The following YBX2 variants were observed in gnomAD, a reference collection of about 807,000 sequenced individuals.
YBX2 encodes the protein Y-box-binding protein 2.
Under a neutral mutation model 44.4 loss-of-function variants are expected in YBX2, and 5 were observed. The observed-to-expected ratio is 0.11, with a 90% confidence interval of 0.06 to 0.24. The LOEUF is 0.24. Ranked by LOEUF, YBX2 falls within the 10% of genes least tolerant of loss-of-function variation. The pLI is 1.00. For synonymous variants in YBX2, 188 were observed against 216.1 expected, an observed-to-expected ratio of 0.87 and a Z score of 1.14; for missense variants, 417 against 526.9, an observed-to-expected ratio of 0.79 and a Z score of 2.04.
Position 7,294,261 on chromosome 17 carries a change from CG to C in YBX2, c.239del (p.Pro80ArgfsTer81), listed in dbSNP as rs1567605546. 1.9e-5 allele frequency: 16 copies of C among 828,722 alleles called. No homozygotes were observed. Among genetic ancestry groups the C allele is most frequent in the Middle Eastern group, 5.0e-4 (1 of 1,988 alleles). 51.3% of individuals were successfully genotyped at this position (828,722 alleles called of 1,614,324 possible). A position where few individuals can be genotyped will look rare whatever the true frequency, so the allele number is the denominator to read the frequency against. On this transcript the variant is annotated frameshift_variant, in exon 1 of 9. Transcript: ENST00000007699. LOFTEE classifies it high-confidence loss of function. The surrounding 1 kb of genome is among the most constrained non-coding windows in gnomAD (Gnocchi z 4.6). Reference protein sequence around the residue: ...ATAVSGTPAPPARSQADKPVL... With the variant: ...ATAVSGTPAPXARSQADKPVL... ...CCGGCTTGTCCGCCTGACTCCGGGC[CG>C]GGGGGGCGGGGGTTCCCGAGACCGC...
chr17:7,291,411 C>T lies in YBX2; in HGVS notation c.370-229G>A, dbSNP rs1332821031. ...CCCAGGATGCACTCCCCGCACCTCC[C>T]CTCCCGCCCCGCTTTACCCCTCAGG... On this transcript the variant is annotated intron_variant, in intron 3 of 8. Transcript: ENST00000007699. This position sits in a 1 kb window ranked among gnomAD's most constrained non-coding sequence, Gnocchi z 5.8. 1.7e-6 allele frequency: 1 copy of T among 577,504 alleles called. No individual in the cohort carries two copies. The highest frequency in any genetic ancestry group is 3.0e-5 in the East Asian group (1 of 33,294). 35.8% of individuals were successfully genotyped at this position (577,504 alleles called of 1,614,324 possible). A position where few individuals can be genotyped will look rare whatever the true frequency, so the allele number is the denominator to read the frequency against.
Position 7,288,601 on chromosome 17 carries a change from G to A in YBX2, c.*82C>T. On this transcript the variant is annotated 3_prime_UTR_variant, in exon 9 of 9. Coordinates refer to ENST00000007699, the MANE Select transcript of YBX2 (RefSeq NM_015982.4). ...TGAATTATGGGAAAGGGGGAGCAGG[G>A]TACTGGGTAGGGTACAGGTCATTTG... 1.6e-6 allele frequency: 1 copy of A among 621,540 alleles called. No individual in the cohort carries two copies. Among genetic ancestry groups the A allele is most frequent in the Non-Finnish European group, 2.9e-6 (1 of 348,120 alleles). The allele number at this position is 621,540 out of a possible 1,614,324, so 38.5% of individuals were successfully genotyped here. A position where few individuals can be genotyped will look rare whatever the true frequency, so the allele number is the denominator to read the frequency against.
Position 7,291,804 on chromosome 17 carries a change from G to A in YBX2, c.369+222C>T. The A allele has an allele frequency of 1.7e-6, 1 of 595,832 alleles. No individual in the cohort carries two copies. The highest frequency in any genetic ancestry group is 1.9e-5 in the African/African-American group (1 of 53,908). The allele number at this position is 595,832 out of a possible 1,614,324, so 36.9% of individuals were successfully genotyped here. A position where few individuals can be genotyped will look rare whatever the true frequency, so the allele number is the denominator to read the frequency against. On this transcript the variant is annotated intron_variant, in intron 3 of 8. Transcript: ENST00000007699. This position sits in a 1 kb window ranked among gnomAD's most constrained non-coding sequence, Gnocchi z 5.8. ...CCTGGAGTGTTAACAGGTCCCGGTG[G>A]GTAGTAAGCGTGCCATGCCCAGGGG...
At chr17:7,293,410 TG>T (rs2072515974) in intron 2 of YBX2, 64 bp downstream of exon 2, 2 of 1,610,028 alleles carry the variant, frequency 1.2e-6, no homozygotes, top group East Asian at 4.5e-5. Context: ...GTTGGGCGGG[TG>T]TCCAGTCCCA....
chr17:7,290,267 T>C lies in YBX2; in HGVS notation c.728A>G (p.Gln243Arg). The change falls in exon 5 of 9, where the codon CAG (glutamine) becomes CGG (arginine). Residue 243 changes from glutamine to arginine, a missense_variant. Gln to Arg is a conservative substitution (Grantham distance 43, BLOSUM62 1). Transcript: ENST00000007699. Reference protein sequence around the residue: ...RFVRGPRPPNQQQPIEGTDRV... With the variant: ...RFVRGPRPPNRQQPIEGTDRV... ...TCCCCTCACCTCTATAGGCTGCTGC[T>C]GGTTGGGAGGCCGGGGGCCTCGCAC... 6.2e-7 allele frequency: 1 copy of C among 1,612,980 alleles called. No homozygotes were observed. The highest frequency in any genetic ancestry group is 1.3e-5 in the African/African-American group (1 of 74,996).
intron 2 of YBX2, 67 bp from the exon 3 acceptor site, chr17:7,292,126 C>T: frequency 1.3e-6 from 2 of 1,570,866 alleles, no homozygotes; most frequent in Admixed American, 1.7e-5. Flanking sequence ...ACTGAGGTCC[C>T]CCTAGATGCC....
chr17:7,293,612 C>T (rs2072517431), intron 1 of YBX2, 74 bp from the exon 2 acceptor site: 5 of 1,602,850 alleles, frequency 3.1e-6, no homozygotes. Flanking sequence ...TTGAGACACT[C>T]CAAAACAAAA....
Position 7,294,472 on chromosome 17 carries a change from GC to G in YBX2, c.28del (p.Ala10LeufsTer17). 2.0e-6 allele frequency: 3 copies of G among 1,476,640 alleles called. No homozygotes were observed. Among genetic ancestry groups the G allele is most frequent in the Admixed American group, 2.2e-5 (1 of 46,032 alleles). 91.5% of individuals were successfully genotyped at this position (1,476,640 alleles called of 1,614,324 possible). A position where few individuals can be genotyped will look rare whatever the true frequency, so the allele number is the denominator to read the frequency against. ...CACCGTCGCCGCGGGGACCGCTGTA[GC>G]CCCCGCTGCCGCCTCCACCTCGCTC... MSEVEAAAG[A>X]TAVPAATVPA... On this transcript the variant is annotated frameshift_variant, in exon 1 of 9. Coordinates refer to ENST00000007699, the MANE Select transcript of YBX2 (RefSeq NM_015982.4). LOFTEE classifies it high-confidence loss of function. This position sits in a 1 kb window ranked among gnomAD's most constrained non-coding sequence, Gnocchi z 4.6.
At chr17:7,289,347 G>A (rs1488664836) in intron 7 of YBX2, among the ~76,000 whole-genome samples, 183 bp downstream of exon 7, 3 of 151,268 alleles carry the variant, frequency 2.0e-5, no homozygotes, top group Non-Finnish European at 4.4e-5. Flanking sequence ...CCTCTGTGGG[G>A]GCTTCCTGGT....
Position 7,294,522 on chromosome 17 carries a change from C to T in YBX2, c.-22G>A, listed in dbSNP as rs763586929. 2.0e-5 allele frequency: 29 copies of T among 1,444,306 alleles called. No individual in the cohort carries two copies. The South Asian group carries it at 3.8e-4, about 19-fold the overall frequency. 89.5% of individuals were successfully genotyped at this position (1,444,306 alleles called of 1,614,324 possible). On this transcript the variant is annotated 5_prime_UTR_variant, in exon 1 of 9. Coordinates refer to ENST00000007699, the MANE Select transcript of YBX2 (RefSeq NM_015982.4). The surrounding 1 kb of genome is among the most constrained non-coding windows in gnomAD (Gnocchi z 4.6). Reference sequence around the variant, plus strand: ...TCATCCCGCCGGGTCCAGTACCGGCCACAGCCGCCACCGCCCCGGCCCCTC... The same window carrying T: ...TCATCCCGCCGGGTCCAGTACCGGCTACAGCCGCCACCGCCCCGGCCCCTC...
At chr17:7,293,982 G>T (rs998189282) in intron 1 of YBX2, 19 of 478,822 alleles carry the variant, frequency 4.0e-5, no homozygotes, top group African/African-American at 3.2e-4. Flanking sequence ...GGCGTGGCCG[G>T]ACCCTGGGGC....
rs933246322 is a variant in YBX2, at chr17:7,294,074, G to C, written c.271+156C>G. 11 of 873,764 alleles carry C rather than the reference G, an allele frequency of 1.3e-5. No individual in the cohort carries two copies. The highest frequency in any genetic ancestry group is 1.7e-5 in the Non-Finnish European group (11 of 657,846). 54.1% of individuals were successfully genotyped at this position (873,764 alleles called of 1,614,324 possible). ...GAAGGTACGGCAGGATTTCCCACCA[G>C]GGGAATCCACTTTGGTGCGCAGCTC... On this transcript the variant is annotated intron_variant, in intron 1 of 8. Transcript: ENST00000007699. The surrounding 1 kb of genome is among the most constrained non-coding windows in gnomAD (Gnocchi z 4.6).
At chr17:7,293,349 AC>A in intron 2 of YBX2, 125 bp downstream of exon 2, 1 of 1,533,428 alleles carries the variant, frequency 6.5e-7, no homozygotes, top group South Asian at 1.2e-5. Flanking sequence ...AAGGCTTTCA[AC>A]CAGCATCAGC....
chr17:7,292,156 C>G, intron 2 of YBX2, 97 bp from the exon 3 acceptor site: 1 of 1,366,612 alleles, frequency 7.3e-7, no homozygotes, highest in Non-Finnish European at 1.0e-6. Context: ...CTCAGTGGGC[C>G]CATCCTCTCC....
chr17:7,291,078 T>G lies in YBX2; in HGVS notation c.459+15A>C, dbSNP rs369751822. 1.9e-5 allele frequency: 30 copies of G among 1,611,716 alleles called. No individual in the cohort carries two copies. The African/African-American group carries it at 4.0e-4, about 22-fold the overall frequency. On this transcript the variant is annotated intron_variant, in intron 4 of 8. Transcript: ENST00000007699. This position sits in a 1 kb window ranked among gnomAD's most constrained non-coding sequence, Gnocchi z 5.8. ...TAAGCCTAGTCAACTCTATACCCCA[T>G]AGCAGTCCCCAAACCTTCTCTCCTT...
rs753363635 is a variant in YBX2, at chr17:7,294,528, C to A, written c.-28G>T. ...CGCCGGGTCCAGTACCGGCCACAGC[C>A]GCCACCGCCCCGGCCCCTCCCCCCG... On this transcript the variant is annotated 5_prime_UTR_variant, in exon 1 of 9. Coordinates refer to ENST00000007699, the MANE Select transcript of YBX2 (RefSeq NM_015982.4). This position sits in a 1 kb window ranked among gnomAD's most constrained non-coding sequence, Gnocchi z 4.6. 6.9e-7 allele frequency: 1 copy of A among 1,439,994 alleles called. No individual in the cohort carries two copies. The highest frequency in any genetic ancestry group is 1.3e-5 in the South Asian group (1 of 76,484). 89.2% of individuals were successfully genotyped at this position (1,439,994 alleles called of 1,614,324 possible).
Position 7,294,068 on chromosome 17 carries a change from C to T in YBX2, c.271+162G>A. The T allele has an allele frequency of 1.2e-6, 1 of 839,506 alleles. No homozygotes were observed. Among genetic ancestry groups the T allele is most frequent in the Non-Finnish European group, 1.6e-6 (1 of 626,266 alleles). 52.0% of individuals were successfully genotyped at this position (839,506 alleles called of 1,614,324 possible). A position where few individuals can be genotyped will look rare whatever the true frequency, so the allele number is the denominator to read the frequency against. On this transcript the variant is annotated intron_variant, in intron 1 of 8. Transcript: ENST00000007699. This position sits in a 1 kb window ranked among gnomAD's most constrained non-coding sequence, Gnocchi z 4.6. ...TCCCAGGAAGGTACGGCAGGATTTC[C>T]CACCAGGGGAATCCACTTTGGTGCG... is the stretch of plus-strand genomic sequence containing the variant.
intron 6 of YBX2, 46 bp downstream of exon 6, chr17:7,289,922 T>G (rs774734951): frequency 6.2e-7 from 1 of 1,609,772 alleles, no homozygotes; most frequent in Non-Finnish European, 8.5e-7. Flanking sequence ...GCCCCAAGGA[T>G]CCAACACTGG....
chr17:7,288,591 G>A lies in YBX2; in HGVS notation c.*92C>T, dbSNP rs567007739. The A allele has an allele frequency of 8.5e-6, 5 of 590,356 alleles. No homozygotes were observed. Among genetic ancestry groups the A allele is most frequent in the Non-Finnish European group, 1.2e-5 (4 of 328,156 alleles). The allele number at this position is 590,356 out of a possible 1,614,324, so 36.6% of individuals were successfully genotyped here. On this transcript the variant is annotated 3_prime_UTR_variant, in exon 9 of 9. Transcript: ENST00000007699. ...TTTGATGTCATGAATTATGGGAAAG[G>A]GGGAGCAGGGTACTGGGTAGGGTAC...
Sources: gnomAD v4.1 joint callset for allele counts (sites outside exome capture counted in the v4.1 genomes callset) on GRCh38, gnomAD v4.1.1 for gene constraint, Gnocchi (gnomAD v3.1) non-coding constraint, MANE v1.5 for transcripts, NCBI Gene and HGNC (gene_info 2026-07-23, HGNC 2026-07-21) for gene names.